Variants in AFAP1 observed in about 807,000 individuals in gnomAD.
AFAP1 encodes the protein actin filament-associated protein 1.
Under a neutral mutation model 93.9 loss-of-function variants are expected in AFAP1, and 75 were observed. That is an observed-to-expected ratio of 0.80 (90% CI 0.66 to 0.97). AFAP1 has a LOEUF of 0.97. AFAP1 is among the 50% of genes least tolerant of loss of function. The probability of loss-of-function intolerance (pLI) is 0.00; values close to 1 mark genes in which losing one functional copy is unlikely to be tolerated. For synonymous variants in AFAP1, 517 were observed against 430.7 expected (o/e 1.20, Z -2.48); for missense variants, 1,201 against 1,050.8 (o/e 1.14, Z -1.98).
intron 17 of AFAP1, among the ~76,000 whole-genome samples, chr4:7,764,709 C>CA (rs1228996785): frequency 2.6e-5 from 4 of 152,236 alleles, no homozygotes; most frequent in Non-Finnish European, 1.5e-5. Context: ...ACTGTGAAAG[C>CA]AGGGACAGTG....
chr4:7,877,669 C>T (rs1365702739), intron 1 of AFAP1, among the ~76,000 whole-genome samples: 1 of 152,170 alleles, frequency 6.6e-6, no homozygotes, highest in Non-Finnish European at 1.5e-5. Flanking sequence ...AAACCTGAGT[C>T]CAAAAGCCCT....
At chr4:7,826,038 A>T (rs929070037) in intron 6 of AFAP1, among the ~76,000 whole-genome samples, 2 of 152,206 alleles carry the variant, frequency 1.3e-5, no homozygotes, top group Admixed American at 6.5e-5. Flanking sequence ...AAATCCTAAA[A>T]GTGAAGGCTC....
At chr4:7,919,467 A>C (rs945039407) in intron 1 of AFAP1, among the ~76,000 whole-genome samples, 1 of 152,154 alleles carries the variant, frequency 6.6e-6, no homozygotes, top group African/African-American at 2.4e-5. Context: ...CAGGTCCTAC[A>C]CAAACGTTTA....
In AFAP1 at chr4:7,759,174, T is replaced by G. The variant is rs1323739392; in HGVS notation, c.*4591A>C. 2.0e-5 allele frequency: 3 copies of G among 152,704 alleles called. No homozygotes were observed. The highest frequency in any genetic ancestry group is 7.2e-5 in the African/African-American group (3 of 41,474). The allele number at this position is 152,704 out of a possible 1,614,324, so 9.5% of individuals were successfully genotyped here. A position where few individuals can be genotyped will look rare whatever the true frequency, so the allele number is the denominator to read the frequency against. ...AATGTAAAGTGAATATTTCCTTTCT[T>G]GTTAGAAAATCAAAAAGATTATCTC... is the stretch of plus-strand genomic sequence containing the variant. On this transcript the variant is annotated 3_prime_UTR_variant, in exon 18 of 18. Coordinates refer to ENST00000420658, the MANE Select transcript of AFAP1 (RefSeq NM_001134647.2).
chr4:7,767,771 G>A (rs2148947066), intron 17 of AFAP1, among the ~76,000 whole-genome samples: 1 of 152,234 alleles, frequency 6.6e-6, no homozygotes, highest in African/African-American at 2.4e-5. Context: ...AACTCGGAGG[G>A]GGCTCCAAAA....
intron 1 of AFAP1, among the ~76,000 whole-genome samples, chr4:7,873,938 A>G (rs1717297931): frequency 6.6e-6 from 1 of 152,234 alleles, no homozygotes; most frequent in Non-Finnish European, 1.5e-5. Flanking sequence ...CAAGAACAAA[A>G]GTTGAGCTTC....
At chr4:7,873,221 C>T (rs1170625895) in intron 1 of AFAP1, among the ~76,000 whole-genome samples, 6 of 107,478 alleles carry the variant, frequency 5.6e-5, no homozygotes, top group South Asian at 3.5e-4. Flanking sequence ...CCAGCCTGGG[C>T]GACAGTGGGA....
chr4:7,772,770 G>A (rs200336402), intron 16 of AFAP1, 50 bp downstream of exon 16: 58 of 1,569,364 alleles, frequency 3.7e-5, no homozygotes, highest in Middle Eastern at 2.1e-4. Context: ...ACTGGCCCTC[G>A]GCCACGCAAG....
At chr4:7,836,289 C>T (rs1187412919) in intron 6 of AFAP1, among the ~76,000 whole-genome samples, 3 of 152,164 alleles carry the variant, frequency 2.0e-5, no homozygotes, top group South Asian at 4.1e-4. Flanking sequence ...GAAAACACGA[C>T]GCTAAATGAA....
In AFAP1 at chr4:7,816,072, C is replaced by G; in HGVS notation, c.850G>C (p.Asp284His). ...KKLSSERPSS[D>H]GEGVVENGIT... ...CCATTTTCCACAACACCCTCCCCAT[C>G]TGAGCTGGGTCTCTCTGAAGACAGT... is the stretch of plus-strand genomic sequence containing the variant. Residue 284 changes from aspartate to histidine, a missense_variant, in exon 8 of 18, where the codon GAT becomes CAT. Physicochemically the swap from Asp to His is moderately conservative, Grantham distance 81. Transcript: ENST00000420658. 1.2e-6 allele frequency: 2 copies of G among 1,613,034 alleles called. No homozygotes were observed. The highest frequency in any genetic ancestry group is 1.7e-6 in the Non-Finnish European group (2 of 1,179,660).
At chr4:7,926,719 A>G (rs566262069) in intron 1 of AFAP1, among the ~76,000 whole-genome samples, 1 of 152,174 alleles carries the variant, frequency 6.6e-6, no homozygotes, top group African/African-American at 2.4e-5. Context: ...GAGTCAGCCC[A>G]GCCATTCCCC....
Position 7,763,521 on chromosome 4 carries a change from T to G in AFAP1, c.*244A>C. 1.8e-6 allele frequency: 1 copy of G among 548,562 alleles called. No individual in the cohort carries two copies. Among genetic ancestry groups the G allele is most frequent in the Non-Finnish European group, 3.2e-6 (1 of 310,818 alleles). 34.0% of individuals were successfully genotyped at this position (548,562 alleles called of 1,614,324 possible). ...TAGCATCCTTTCAAACACCTTTCCATCACTTTTTTTGTTTTTTAACAAAGT... is the reference window on the plus strand; with the variant it reads ...TAGCATCCTTTCAAACACCTTTCCAGCACTTTTTTTGTTTTTTAACAAAGT... On this transcript the variant is annotated 3_prime_UTR_variant, in exon 18 of 18. Coordinates refer to ENST00000420658, the MANE Select transcript of AFAP1 (RefSeq NM_001134647.2).
intron 14 of AFAP1, chr4:7,775,330 G>A (rs4689859): frequency 0.24 from 37,330 of 154,426 alleles, 4,933 homozygotes; most frequent in East Asian, 0.54. Context: ...TCTTAAAAAC[G>A]AAAACAGAAT....
chr4:7,848,006 T>C (rs910596635), intron 4 of AFAP1, among the ~76,000 whole-genome samples: 6 of 151,384 alleles, frequency 4.0e-5, no homozygotes, highest in East Asian at 1.9e-4. Flanking sequence ...CATGGATGGA[T>C]AGACAGATGC....
At chr4:7,925,173 AT>A (rs1720659629) in intron 1 of AFAP1, among the ~76,000 whole-genome samples, 1 of 147,836 alleles carries the variant, frequency 6.8e-6, no homozygotes. Flanking sequence ...CCCCCAAAGA[AT>A]AAGTCTTAAA....
intron 6 of AFAP1, among the ~76,000 whole-genome samples, chr4:7,827,594 AGAG>A (rs1721547355): frequency 7.4e-6 from 1 of 134,730 alleles, no homozygotes; most frequent in Non-Finnish European, 1.6e-5. Context: ...AAAAAAAGGG[AGAG>A]GAGAGAAAAA....
intron 1 of AFAP1, among the ~76,000 whole-genome samples, chr4:7,872,661 C>G (rs1158294639): frequency 6.6e-6 from 1 of 152,124 alleles, no homozygotes; most frequent in East Asian, 1.9e-4. Flanking sequence ...CTCTGATATC[C>G]ACAAGACTGG....
At chr4:7,910,901 G>GC in intron 1 of AFAP1, among the ~76,000 whole-genome samples, 1 of 152,316 alleles carries the variant, frequency 6.6e-6, no homozygotes, top group East Asian at 1.9e-4. Flanking sequence ...CCACGACTGG[G>GC]CCCTCCATGC....
At chr4:7,864,071 A>AACTTCCCATCACAACACC (rs1716088956) in intron 3 of AFAP1, among the ~76,000 whole-genome samples, 3 of 22,692 alleles carry the variant, frequency 1.3e-4, no homozygotes, top group Non-Finnish European at 2.2e-4. Flanking sequence ...ATCACAACCC[A>AACTTCCCATCACAACACC]TTCCCAACTT....
Sources: gnomAD v4.1 joint callset for allele counts (sites outside exome capture counted in the v4.1 genomes callset) on GRCh38, gnomAD v4.1.1 for gene constraint, MANE v1.5 for transcripts, NCBI Gene and HGNC (gene_info 2026-07-23, HGNC 2026-07-21) for gene names.